XYLT1: variants seen among roughly 807,000 people sequenced by gnomAD.
The protein encoded by XYLT1 is xylosyltransferase 1.
XYLT1 carries 36 observed loss-of-function variants against 91.3 expected under a neutral mutation model. That is an observed-to-expected ratio of 0.39 (90% CI 0.30 to 0.52). XYLT1 has a LOEUF of 0.52. Among genes scored for constraint, XYLT1 ranks in the 20% least tolerant of loss-of-function variants. The probability of loss-of-function intolerance (pLI) is 0.68; values close to 1 mark genes in which losing one functional copy is unlikely to be tolerated. For missense variants in XYLT1, 1,242 were observed against 1,284.5 expected (o/e 0.97, Z 0.51); for synonymous variants, 588 against 532.0 (o/e 1.11, Z -1.45).
chr16:17,407,858 G>C (rs2036054077), intron 1 of XYLT1, among the ~76,000 whole-genome samples: 1 of 152,238 alleles, frequency 6.6e-6, no homozygotes, highest in South Asian at 2.1e-4. Flanking sequence ...TTTGGGTTTT[G>C]AGGGTGGATC....
chr16:17,120,833 T>C (rs949068935), intron 10 of XYLT1, among the ~76,000 whole-genome samples: 3 of 152,152 alleles, frequency 2.0e-5, no homozygotes, highest in African/African-American at 4.8e-5. Context: ...AAAATAAAGA[T>C]ATATTGAGCA....
intron 11 of XYLT1, 24 bp from the exon 12 acceptor site, chr16:17,109,041 C>A: frequency 1.3e-6 from 2 of 1,494,806 alleles, no homozygotes; most frequent in Non-Finnish European, 1.8e-6. Context: ...GGAACAATTT[C>A]AGGATCAGAA....
At position 17,290,491 on chromosome 16, in the gene XYLT1, G is replaced by A. The variant is rs565371497; in HGVS notation, c.403-30993C>T. ...GTGGAAGGAGACGCCTTACAGGCAG[G>A]GGCCTTCAACCGCATGGAAGTACCA... On this transcript the variant is annotated intron_variant, in intron 2 of 11. Coordinates refer to ENST00000261381, the MANE Select transcript of XYLT1 (RefSeq NM_022166.4). 2.0e-5 allele frequency among the ~76,000 whole-genome samples: 3 copies of A among 152,346 alleles called. No homozygotes were observed. In the South Asian group the frequency reaches 6.2e-4, roughly 32 times the overall value.
chr16:17,384,654 C>G (rs980528531), intron 1 of XYLT1, among the ~76,000 whole-genome samples: 2 of 151,798 alleles, frequency 1.3e-5, no homozygotes, highest in Non-Finnish European at 2.9e-5. Context: ...GGCCAGGACA[C>G]TTGTTCTCAC....
At chr16:17,138,057 C>T (rs2030815156) in intron 8 of XYLT1, among the ~76,000 whole-genome samples, 1 of 151,692 alleles carries the variant, frequency 6.6e-6, no homozygotes, top group Non-Finnish European at 1.5e-5. Context: ...TGAGTATGGC[C>T]TTTGGAAAGT....
chr16:17,454,906 C>G (rs1423118665), intron 1 of XYLT1, among the ~76,000 whole-genome samples: 1 of 63,034 alleles, frequency 1.6e-5, no homozygotes, highest in Admixed American at 1.5e-4. Flanking sequence ...TCTTTCCTCC[C>G]CCCCCCGCCC....
At chr16:17,249,420 C>T (rs575832271) in intron 3 of XYLT1, among the ~76,000 whole-genome samples, 1 of 152,312 alleles carries the variant, frequency 6.6e-6, no homozygotes. Flanking sequence ...ATGTGCCAAG[C>T]ACGAGATATT....
chr16:17,342,353 T>C (rs536452207), intron 2 of XYLT1, among the ~76,000 whole-genome samples: 73 of 152,288 alleles, frequency 4.8e-4, no homozygotes, highest in African/African-American at 1.7e-3. Flanking sequence ...TATCTCCAAC[T>C]GGCCTTACCT....
rs1015873823 is a variant in XYLT1, at chr16:17,275,596, T to G, written c.403-16098A>C. Among the ~76,000 whole-genome samples the G allele has an allele frequency of 3.3e-5, 5 of 152,178 alleles. No individual in the cohort carries two copies. In the South Asian group the frequency reaches 1.0e-3, roughly 32 times the overall value. ...CTGTTATTTGAGATTCATTTCTAGG[T>G]TGGTGCCACGCCCCTGACTCCTGAA... On this transcript the variant is annotated intron_variant, in intron 2 of 11. Coordinates refer to ENST00000261381, the MANE Select transcript of XYLT1 (RefSeq NM_022166.4).
At chr16:17,422,443 C>T (rs940090367) in intron 1 of XYLT1, among the ~76,000 whole-genome samples, 1 of 152,262 alleles carries the variant, frequency 6.6e-6, no homozygotes, top group African/African-American at 2.4e-5. Context: ...AAGTGATCCT[C>T]CCACTTTGGT....
chr16:17,326,635 G>C (rs1487075071), intron 2 of XYLT1, among the ~76,000 whole-genome samples: 1 of 151,986 alleles, frequency 6.6e-6, no homozygotes, highest in Non-Finnish European at 1.5e-5. Flanking sequence ...CATCCTGGCT[G>C]AAACGGTGAA....
At chr16:17,321,341 C>CCTTT (rs1429853610) in intron 2 of XYLT1, among the ~76,000 whole-genome samples, 96 of 99,730 alleles carry the variant, frequency 9.6e-4, no homozygotes, top group Non-Finnish European at 1.5e-3. Context: ...TACTAACTAG[C>CCTTT]CTTTTTTTTT....
rs1320095301 is a variant in XYLT1, at chr16:17,105,701, C to G, written c.*2994G>C. The G allele has an allele frequency of 6.6e-6, 1 of 152,190 alleles. No homozygotes were observed. The highest frequency in any genetic ancestry group is 1.5e-5 in the Non-Finnish European group (1 of 68,074). 9.4% of individuals were successfully genotyped at this position (152,190 alleles called of 1,614,324 possible). Reference sequence around the variant, plus strand: ...TCAGCCTTCCTGAGTTTCCAGGGACCTCGTCACTGGCTCAGCTCACAGCTG... The same window carrying G: ...TCAGCCTTCCTGAGTTTCCAGGGACGTCGTCACTGGCTCAGCTCACAGCTG... On this transcript the variant is annotated 3_prime_UTR_variant, in exon 12 of 12. Transcript: ENST00000261381.
chr16:17,123,062 C>G (rs1046056915), intron 10 of XYLT1, among the ~76,000 whole-genome samples: 2 of 152,040 alleles, frequency 1.3e-5, no homozygotes, highest in African/African-American at 2.4e-5. Context: ...TATGCAGGCT[C>G]TTTTTTAGTT....
At chr16:17,257,536 G>A (rs991928731) in intron 3 of XYLT1, among the ~76,000 whole-genome samples, 10 of 152,170 alleles carry the variant, frequency 6.6e-5, no homozygotes, top group African/African-American at 2.4e-4. Flanking sequence ...TGCTCCCAGA[G>A]GCTGGATTAT....
At chr16:17,230,875 T>A (rs907416172) in intron 3 of XYLT1, among the ~76,000 whole-genome samples, 11 of 152,286 alleles carry the variant, frequency 7.2e-5, no homozygotes, top group African/African-American at 2.6e-4. Flanking sequence ...TTGCCACAAC[T>A]GGGTGACCCT....
chr16:17,416,439 G>C (rs188121241), intron 1 of XYLT1, among the ~76,000 whole-genome samples: 54 of 152,350 alleles, frequency 3.5e-4, no homozygotes, highest in African/African-American at 1.3e-3. Context: ...GAAAGGCCAT[G>C]TGTCCTGGTT....
rs368820854 is a variant in XYLT1 at position 17,388,397 on chromosome 16, A to G, written c.364-30347T>C. ...ATGATAAGCATGTAGAGGACCAGAGAGAGTTCAGATAAAGTCTACAATTCA... is the reference window on the plus strand; with the variant it reads ...ATGATAAGCATGTAGAGGACCAGAGGGAGTTCAGATAAAGTCTACAATTCA... On this transcript the variant is annotated intron_variant, in intron 1 of 11. Transcript: ENST00000261381. 8.5e-5 allele frequency among the ~76,000 whole-genome samples: 13 copies of G among 152,292 alleles called. No individual in the cohort carries two copies. In the East Asian group the frequency reaches 1.5e-3, roughly 18 times the overall value.
intron 1 of XYLT1, among the ~76,000 whole-genome samples, chr16:17,443,488 C>A (rs777092682): frequency 6.6e-6 from 1 of 152,106 alleles, no homozygotes; most frequent in Non-Finnish European, 1.5e-5. Context: ...CTCTCTCCAG[C>A]CACCATGTAA....
Sources: gnomAD v4.1 joint callset for allele counts (sites outside exome capture counted in the v4.1 genomes callset) on GRCh38, gnomAD v4.1.1 for gene constraint, MANE v1.5 for transcripts, NCBI Gene and HGNC (gene_info 2026-07-23, HGNC 2026-07-21) for gene names.